The following EIF4E variants were observed in gnomAD, a reference collection of about 807,000 sequenced individuals.
EIF4E encodes eIF-4F 25 kDa subunit.
For synonymous variants in EIF4E, 71 were observed against 88.5 expected (o/e 0.80, Z 1.11); for missense variants, 113 against 265.6 (o/e 0.43, Z 3.99).
intron 6 of EIF4E, among the ~76,000 whole-genome samples, chr4:98,884,057 A>G (rs1247257227): frequency 4.0e-5 from 6 of 149,496 alleles, no homozygotes; most frequent in Non-Finnish European, 5.9e-5. Flanking sequence ...AAAAAAAGCC[A>G]CTTTTGCAAA....
At chr4:98,909,661 C>CAAACA in intron 1 of EIF4E, 1 of 711,334 alleles carries the variant, frequency 1.4e-6, no homozygotes, top group East Asian at 2.7e-5. Flanking sequence ...CCTGTGCTGG[C>CAAACA]AAACAAGGCT....
intron 6 of EIF4E, among the ~76,000 whole-genome samples, chr4:98,881,817 T>C (rs1275221615): frequency 1.3e-5 from 2 of 152,172 alleles, no homozygotes; most frequent in South Asian, 2.1e-4. Context: ...CATGACTCTA[T>C]TGCAAGAATA....
chr4:98,887,918 T>C lies in EIF4E; in HGVS notation c.256A>G (p.Met86Val). The C allele has an allele frequency of 6.2e-7, 1 of 1,612,832 alleles. No homozygotes were observed. The highest frequency in any genetic ancestry group is 1.3e-5 in the African/African-American group (1 of 74,966). The change falls in exon 4 of 7, where the codon ATG (methionine) becomes GTG (valine). Residue 86 changes from methionine (M) to valine (V), a missense_variant. Met to Val is a conservative substitution (Grantham distance 21, BLOSUM62 1). Coordinates refer to ENST00000450253, the MANE Select transcript of EIF4E (RefSeq NM_001968.5). The surrounding 1 kb of genome is among the most constrained non-coding windows in gnomAD (Gnocchi z 4.0). ...AAAAGTGAGTAGTCACAGCCAGGCA[T>C]TAAATTACTAGACAACTGGATATGG... ...YNHIQLSSNL[M>V]PGCDYSLFKD... is the part of the protein sequence containing the mutation.
chr4:98,909,485 T>G, intron 1 of EIF4E: 2 of 566,500 alleles, frequency 3.5e-6, no homozygotes, highest in Non-Finnish European at 6.3e-6. Flanking sequence ...AATAATGAAA[T>G]GTAAACTGGA....
intron 2 of EIF4E, among the ~76,000 whole-genome samples, chr4:98,898,230 T>C (rs1724499236): frequency 1.3e-5 from 2 of 152,236 alleles, no homozygotes; most frequent in African/African-American, 4.8e-5. Flanking sequence ...TGAGGCTGTA[T>C]TGTCTTCTTA....
At chr4:98,900,236 A>T (rs2110197071) in intron 2 of EIF4E, among the ~76,000 whole-genome samples, 1 of 152,288 alleles carries the variant, frequency 6.6e-6, no homozygotes, top group Non-Finnish European at 1.5e-5. Flanking sequence ...CGAATTGTTC[A>T]ACCTAATACA....
chr4:98,910,919 C>G (rs113370514), intron 1 of EIF4E, among the ~76,000 whole-genome samples: 1 of 151,716 alleles, frequency 6.6e-6, no homozygotes, highest in South Asian at 2.1e-4. Context: ...TAAGTAGAGA[C>G]GAGGTTTCAC....
chr4:98,881,258 T>C, intron 6 of EIF4E, 116 bp from the exon 7 acceptor site: 1 of 1,469,230 alleles, frequency 6.8e-7, no homozygotes, highest in South Asian at 1.3e-5. Context: ...GACTTGAGAA[T>C]AAAATAGGAA....
intron 1 of EIF4E, chr4:98,909,713 T>C: frequency 1.4e-6 from 1 of 708,586 alleles, no homozygotes; most frequent in Non-Finnish European, 2.6e-6. Flanking sequence ...TGCTTTTTAA[T>C]GGCATCATTT....
intron 1 of EIF4E, among the ~76,000 whole-genome samples, chr4:98,911,661 C>CA (rs767631331): frequency 0.044 from 2,614 of 59,876 alleles, 163 homozygotes; most frequent in African/African-American, 0.067. Flanking sequence ...AACTCTGTCT[C>CA]AAAAAAAAAA....
At chr4:98,917,134 A>AC (rs1491481477) in intron 1 of EIF4E, among the ~76,000 whole-genome samples, 2,397 of 17,912 alleles carry the variant, frequency 0.13, 27 homozygotes, top group East Asian at 0.36. Flanking sequence ...ACACACACAC[A>AC]AAAAAAACCC....
chr4:98,883,393 ATTTT>A (rs11408890), intron 6 of EIF4E, among the ~76,000 whole-genome samples: 4 of 103,894 alleles, frequency 3.9e-5, no homozygotes, highest in African/African-American at 7.1e-5. Flanking sequence ...TGTAAGTCAA[ATTTT>A]TTTTTTTTTT....
chr4:98,895,260 T>C (rs1166330775), intron 2 of EIF4E: 1 of 152,162 alleles, frequency 6.6e-6, no homozygotes, highest in South Asian at 2.1e-4. Flanking sequence ...ACACAGGATT[T>C]CCACAAACCT....
intron 3 of EIF4E, among the ~76,000 whole-genome samples, chr4:98,888,652 G>T (rs1724021041): frequency 6.6e-6 from 1 of 152,170 alleles, no homozygotes; most frequent in South Asian, 2.1e-4. Flanking sequence ...TTAGTTGCTT[G>T]CCTGAAGGTA....
chr4:98,886,931 T>G (rs145368116), intron 5 of EIF4E, 148 bp downstream of exon 5: 5 of 764,320 alleles, frequency 6.5e-6, no homozygotes, highest in Non-Finnish European at 1.1e-5. Context: ...AGGAGTCATA[T>G]GACAGAACAA....
rs577831971 is a variant in EIF4E, at chr4:98,906,468, T to C, written c.19-4486A>G. Among the ~76,000 whole-genome samples, 199 of 152,326 alleles carry C rather than the reference T, an allele frequency of 1.3e-3. 1 individual carries two copies. The highest frequency in any genetic ancestry group is 4.4e-3 in the African/African-American group (185 of 41,586). On this transcript the variant is annotated intron_variant, in intron 1 of 6. Coordinates refer to ENST00000450253, the MANE Select transcript of EIF4E (RefSeq NM_001968.5). Reference sequence around the variant, plus strand: ...AACTAATCAAATTCAGGCTTACATATTGTATGCATGTCTTCATCTTTATCA... The same window carrying C: ...AACTAATCAAATTCAGGCTTACATACTGTATGCATGTCTTCATCTTTATCA...
intron 1 of EIF4E, among the ~76,000 whole-genome samples, chr4:98,923,368 T>C (rs922523107): frequency 1.3e-5 from 2 of 151,980 alleles, no homozygotes; most frequent in African/African-American, 4.8e-5. Flanking sequence ...CAGGCTGGAA[T>C]GCAGTGGTGT....
chr4:98,915,787 C>T (rs1725351298), intron 1 of EIF4E, among the ~76,000 whole-genome samples: 1 of 151,820 alleles, frequency 6.6e-6, no homozygotes, highest in African/African-American at 2.4e-5. Flanking sequence ...GGTGATCCAC[C>T]TGCCTCAGCC....
intron 1 of EIF4E, among the ~76,000 whole-genome samples, chr4:98,906,653 G>A (rs1724886560): frequency 6.6e-6 from 1 of 152,152 alleles, no homozygotes; most frequent in Non-Finnish European, 1.5e-5. Context: ...TAAGGCTGCG[G>A]TGAGCTATGA....
Sources: gnomAD v4.1 joint callset for allele counts (sites outside exome capture counted in the v4.1 genomes callset) on GRCh38, gnomAD v4.1.1 for gene constraint, Gnocchi (gnomAD v3.1) non-coding constraint, MANE v1.5 for transcripts, NCBI Gene and HGNC (gene_info 2026-07-23, HGNC 2026-07-21) for gene names.